The following MLIP variants were observed in gnomAD, a reference collection of about 807,000 sequenced individuals.
MLIP encodes muscular LMNA-interacting protein.
Under a neutral mutation model 84.8 loss-of-function variants are expected in MLIP, and 79 were observed. The observed-to-expected ratio is 0.93, with a 90% CI of 0.78 to 1.12. The LOEUF (loss-of-function observed/expected upper bound fraction) is 1.12, where lower values mean the gene tolerates loss of function less well. Ranked by LOEUF, MLIP falls within the 50% of genes most tolerant of loss-of-function variation. The pLI, the probability that MLIP is intolerant of heterozygous loss-of-function variation, is 0.00. For synonymous variants in MLIP, 504 were observed against 463.0 expected, an observed-to-expected ratio of 1.09 and a Z score of -1.14; for missense variants, 1,257 against 1,160.6, an observed-to-expected ratio of 1.08 and a Z score of -1.21.
At chr6:54,122,842 G>GAT (rs61675936) in intron 2 of MLIP, among the ~76,000 whole-genome samples, 1 of 152,148 alleles carries the variant, frequency 6.6e-6, no homozygotes, top group East Asian at 1.9e-4. Context: ...TGATTGCAAT[G>GAT]ATATATATAC....
At chr6:54,027,195 AC>A (rs1004325807) in intron 1 of MLIP, among the ~76,000 whole-genome samples, 2 of 152,180 alleles carry the variant, frequency 1.3e-5, no homozygotes, top group African/African-American at 4.8e-5. Context: ...CTATGTTTTC[AC>A]TGAGAAATAA....
chr6:54,231,133 C>G (rs1780972676), intron 12 of MLIP, among the ~76,000 whole-genome samples: 1 of 151,944 alleles, frequency 6.6e-6, no homozygotes, highest in South Asian at 2.1e-4. Context: ...ATATATTTTT[C>G]CAAAGTTATT....
intron 11 of MLIP, chr6:54,217,718 A>G: frequency 1.0e-6 from 1 of 985,274 alleles, no homozygotes; most frequent in Non-Finnish European, 1.2e-6. Context: ...CAAGTGACTA[A>G]AAAGCGGTTT....
chr6:54,158,532 A>G (rs1000359443), intron 5 of MLIP, among the ~76,000 whole-genome samples: 2 of 152,130 alleles, frequency 1.3e-5, no homozygotes, highest in African/African-American at 4.8e-5. Context: ...TTGAAAGCAT[A>G]TTGAAACTAG....
At chr6:54,153,077 G>T (rs774285942) in intron 5 of MLIP, among the ~76,000 whole-genome samples, 2 of 152,058 alleles carry the variant, frequency 1.3e-5, no homozygotes, top group African/African-American at 4.8e-5. Flanking sequence ...CCATTTTCAC[G>T]ATACATTTGA....
rs962578204 is a variant in MLIP at position 54,248,415 on chromosome 6, G to A, written c.2923-8893G>A. 4.6e-5 allele frequency among the ~76,000 whole-genome samples: 7 copies of A among 151,984 alleles called. No homozygotes were observed. The East Asian group carries it at 9.8e-4, about 21-fold the overall frequency. On this transcript the variant is annotated intron_variant, in intron 12 of 13. Transcript: ENST00000502396. ...GAACTGAAATGGTGTTAGAATACATGTTTTACTCTGTTTTCATTATAACCT... is the reference window on the plus strand; with the variant it reads ...GAACTGAAATGGTGTTAGAATACATATTTTACTCTGTTTTCATTATAACCT...
chr6:54,061,485 G>A (rs1263408935), intron 1 of MLIP, among the ~76,000 whole-genome samples: 1 of 152,150 alleles, frequency 6.6e-6, no homozygotes, highest in African/African-American at 2.4e-5. Flanking sequence ...TTCCCTAATT[G>A]TAAAGTGGAT....
At chr6:54,141,688 G>C (rs983437909) in intron 4 of MLIP, among the ~76,000 whole-genome samples, 1 of 152,100 alleles carries the variant, frequency 6.6e-6, no homozygotes, top group Non-Finnish European at 1.5e-5. Flanking sequence ...CACCCATGGA[G>C]TTGTGTCTGG....
chr6:54,183,443 G>A (rs1777082912), intron 9 of MLIP, among the ~76,000 whole-genome samples: 1 of 152,124 alleles, frequency 6.6e-6, no homozygotes, highest in Non-Finnish European at 1.5e-5. Context: ...CTTCTGCTTT[G>A]TATCCTTTTC....
rs188650837 is a variant in MLIP at position 54,025,345 on chromosome 6, T to A, written c.63+6254T>A. On this transcript the variant is annotated intron_variant, in intron 1 of 12. Coordinates refer to the MLIP transcript ENST00000274897. ...CGTATGGCTTGAATGTTGCTTCTGA[T>A]CTATATGTTATTCCTTACAAGGCAA... 1.1e-3 allele frequency among the ~76,000 whole-genome samples: 168 copies of A among 152,250 alleles called. 1 individual carries two copies. The highest frequency in any genetic ancestry group is 7.4e-5 in the Non-Finnish European group (5 of 68,016).
chr6:54,033,560 C>T (rs940134788), intron 1 of MLIP, among the ~76,000 whole-genome samples: 5 of 152,002 alleles, frequency 3.3e-5, no homozygotes, highest in African/African-American at 9.7e-5. Context: ...CCACCACGCC[C>T]GGGTGGAACT....
chr6:54,263,915 C>A (rs2150909269), intron 13 of MLIP, among the ~76,000 whole-genome samples: 1 of 152,200 alleles, frequency 6.6e-6, no homozygotes, highest in Non-Finnish European at 1.5e-5. Context: ...TGATGATTCT[C>A]ACTTTTCTTA....
chr6:54,171,472 A>T (rs952566106), intron 9 of MLIP, among the ~76,000 whole-genome samples: 5 of 151,652 alleles, frequency 3.3e-5, no homozygotes, highest in African/African-American at 1.2e-4. Context: ...AAGACCATAA[A>T]GGATCATTTT....
At position 54,111,483 on chromosome 6, in the gene MLIP, C is replaced by T; in HGVS notation, c.4C>T (p.Leu2Phe). 1 of 1,535,996 alleles carries T rather than the reference C, an allele frequency of 6.5e-7. No individual in the cohort carries two copies. Among genetic ancestry groups the T allele is most frequent in the African/African-American group, 1.4e-5 (1 of 73,156 alleles). M[L>F]SEQGLLSDCG... ...CGCTCCCTTATGTGATGAATCAATG[C>T]TTTCAGAACAGGGGCTTCTGAGTGA... The change falls in exon 1 of 14, where the codon CTT becomes TTT. Residue 2 changes from leucine (L) to phenylalanine (F), a missense_variant. Leu to Phe is a conservative substitution (Grantham distance 22). Transcript: ENST00000502396.
intron 13 of MLIP, among the ~76,000 whole-genome samples, chr6:54,265,378 G>A (rs140948234): frequency 7.2e-4 from 110 of 152,182 alleles, no homozygotes; most frequent in Non-Finnish European, 1.3e-3. Flanking sequence ...GACTGAATGG[G>A]TAAAGAAATT....
chr6:54,059,940 G>A (rs1208137579), intron 1 of MLIP, among the ~76,000 whole-genome samples: 4 of 152,230 alleles, frequency 2.6e-5, no homozygotes, highest in Non-Finnish European at 5.9e-5. Flanking sequence ...TTGATTGACT[G>A]AAAATGAGAT....
At chr6:54,264,662 T>A (rs974122630) in intron 13 of MLIP, among the ~76,000 whole-genome samples, 1 of 152,050 alleles carries the variant, frequency 6.6e-6, no homozygotes, top group Non-Finnish European at 1.5e-5. Flanking sequence ...TTAAGAAAAA[T>A]CATGTTGGTG....
At chr6:54,167,773 T>C (rs942235765) in intron 8 of MLIP, among the ~76,000 whole-genome samples, 2 of 151,896 alleles carry the variant, frequency 1.3e-5, no homozygotes, top group Admixed American at 6.6e-5. Flanking sequence ...TTTAAGTTTC[T>C]GAGATTATTT....
Position 54,127,194 on chromosome 6 carries a change from A to G in MLIP, c.645+2329A>G, listed in dbSNP as rs559302087. Among the ~76,000 whole-genome samples the G allele has an allele frequency of 1.0e-3, 154 of 149,538 alleles. 1 individual carries two copies. The highest frequency in any genetic ancestry group is 2.0e-3 in the Non-Finnish European group (137 of 67,192). On this transcript the variant is annotated intron_variant, in intron 3 of 13. Transcript: ENST00000502396. ...GAGTTAGTTCTTGTTCATGTTTGTG[A>G]TTTTCTTTATTATTTTATAGCTTTT...
Sources: gnomAD v4.1 joint callset for allele counts (sites outside exome capture counted in the v4.1 genomes callset) on GRCh38, gnomAD v4.1.1 for gene constraint, MANE v1.5 for transcripts, NCBI Gene and HGNC (gene_info 2026-07-23, HGNC 2026-07-21) for gene names.